DTWD2: variants seen among roughly 807,000 people sequenced by gnomAD.
The protein encoded by DTWD2 is DTW motif tRNA-uridine aminocarboxypropyltransferase 2.
A neutral mutation model predicts 31.8 loss-of-function variants in DTWD2; 39 were observed. The ratio of observed to expected loss-of-function variants is 1.22; its 90% CI spans 0.95 to 1.60. The LOEUF is 1.60. Among genes scored for constraint, DTWD2 ranks in the 40% most tolerant of loss-of-function variants. DTWD2 has a pLI of 0.00. For missense variants in DTWD2, 515 were observed against 381.5 expected (o/e 1.35, Z -2.92); for synonymous variants, 180 against 142.8 (o/e 1.26, Z -1.86).
At chr5:118,857,757 T>G (rs1401935130) in intron 4 of DTWD2, among the ~76,000 whole-genome samples, 5 of 152,214 alleles carry the variant, frequency 3.3e-5, no homozygotes, top group African/African-American at 1.2e-4. Context: ...GGCATGTGCC[T>G]GTTCCCACTA....
chr5:118,844,295 CATCT>C (rs1227254714), intron 5 of DTWD2, among the ~76,000 whole-genome samples: 1 of 152,162 alleles, frequency 6.6e-6, no homozygotes, highest in African/African-American at 2.4e-5. Flanking sequence ...GGTTTTGCCA[CATCT>C]ATCTTTAAAA....
chr5:118,861,795 C>T (rs1007793635), intron 4 of DTWD2, among the ~76,000 whole-genome samples: 4 of 151,894 alleles, frequency 2.6e-5, no homozygotes, highest in Non-Finnish European at 4.4e-5. Flanking sequence ...AGTGGTAGGT[C>T]CCAAAAAGAA....
At chr5:118,885,797 A>C (rs1250760560) in intron 4 of DTWD2, among the ~76,000 whole-genome samples, 1 of 151,284 alleles carries the variant, frequency 6.6e-6, no homozygotes, top group Non-Finnish European at 1.5e-5. Context: ...ATAAAAAATA[A>C]ATATAAAAAA....
intron 4 of DTWD2, among the ~76,000 whole-genome samples, chr5:118,891,212 A>T (rs1438091941): frequency 6.6e-6 from 1 of 151,944 alleles, no homozygotes; most frequent in Non-Finnish European, 1.5e-5. Context: ...GAAAAAAAAA[A>T]TTTCATTATT....
intron 1 of DTWD2, among the ~76,000 whole-genome samples, chr5:118,969,494 T>G (rs1754933064): frequency 6.6e-6 from 1 of 152,204 alleles, no homozygotes. Flanking sequence ...TCACCTTTGC[T>G]GTTTTGCAGC....
intron 4 of DTWD2, among the ~76,000 whole-genome samples, chr5:118,902,539 A>C (rs997896146): frequency 6.6e-6 from 1 of 152,146 alleles, no homozygotes; most frequent in Non-Finnish European, 1.5e-5. Flanking sequence ...ATTATTCTTC[A>C]ACATAATTAT....
intron 1 of DTWD2, among the ~76,000 whole-genome samples, chr5:118,985,572 A>T (rs1229593251): frequency 1.3e-5 from 2 of 149,058 alleles, no homozygotes; most frequent in African/African-American, 4.9e-5. Context: ...ATTTCCTAAC[A>T]AAATTAAAGA....
chr5:118,946,137 G>A (rs74681801), intron 1 of DTWD2, among the ~76,000 whole-genome samples: 3,599 of 152,254 alleles, frequency 0.024, 111 homozygotes, highest in African/African-American at 0.069. Context: ...ATCTTAGGCA[G>A]AAGTAAAATC....
In DTWD2 at chr5:118,908,107, C is replaced by A. The variant is rs370170167; in HGVS notation, c.597+20430G>T. 3.3e-5 allele frequency among the ~76,000 whole-genome samples: 5 copies of A among 152,238 alleles called. No homozygotes were observed. The East Asian group carries it at 5.8e-4, about 18-fold the overall frequency. ...ATTTCATGTTTATTAAAAATGAGCT[C>A]AGGACTTCTGTGTCCATGAAGATGA... On this transcript the variant is annotated intron_variant, in intron 4 of 5. Transcript: ENST00000510708.
Position 118,974,127 on chromosome 5 carries a change from C to G in DTWD2, c.218+14167G>C, listed in dbSNP as rs887772756. 4 of 1,572,600 alleles carry G rather than the reference C, an allele frequency of 2.5e-6. No individual in the cohort carries two copies. The African/African-American group carries it at 5.4e-5, about 21-fold the overall frequency. ...CAGAAGACCGACGAGGATGACTAGA[C>G]AGCAAAAAAGGAAAAGTTAAACTAA... On this transcript the variant is annotated intron_variant, in intron 1 of 5. Transcript: ENST00000510708.
At chr5:118,938,750 C>CAA (rs907032098) in intron 3 of DTWD2, among the ~76,000 whole-genome samples, 1 of 129,824 alleles carries the variant, frequency 7.7e-6, no homozygotes, top group African/African-American at 2.9e-5. Context: ...TGAGTAAGCA[C>CAA]TATATTAGGC....
intron 5 of DTWD2, among the ~76,000 whole-genome samples, chr5:118,847,200 C>T (rs914817051): frequency 3.9e-5 from 6 of 151,978 alleles, no homozygotes; most frequent in Admixed American, 3.3e-4. Flanking sequence ...GTGTTTAAGG[C>T]ATACTCATAA....
At chr5:118,930,036 A>G (rs1369366297) in intron 3 of DTWD2, among the ~76,000 whole-genome samples, 1 of 152,178 alleles carries the variant, frequency 6.6e-6, no homozygotes, top group Non-Finnish European at 1.5e-5. Flanking sequence ...TGTAAACCTC[A>G]AGATGACATA....
At chr5:118,892,074 AATCATTAC>A (rs1245316123) in intron 4 of DTWD2, among the ~76,000 whole-genome samples, 1 of 152,182 alleles carries the variant, frequency 6.6e-6, no homozygotes, top group Non-Finnish European at 1.5e-5. Context: ...TTTAACATGT[AATCATTAC>A]AGATTATTAG....
chr5:118,974,130 C>G lies in DTWD2; in HGVS notation c.218+14164G>C, dbSNP rs1006188493. The G allele has an allele frequency of 2.6e-6, 4 of 1,564,328 alleles. No homozygotes were observed. The African/African-American group carries it at 5.4e-5, about 21-fold the overall frequency. ...AAGACCGACGAGGATGACTAGACAGCAAAAAAGGAAAAGTTAAACTAAAAA... is the reference window on the plus strand; with the variant it reads ...AAGACCGACGAGGATGACTAGACAGGAAAAAAGGAAAAGTTAAACTAAAAA... On this transcript the variant is annotated intron_variant, in intron 1 of 5. Coordinates refer to ENST00000510708, the MANE Select transcript of DTWD2 (RefSeq NM_173666.4).
intron 1 of DTWD2, among the ~76,000 whole-genome samples, chr5:118,945,774 A>AAAGAAAGAAAG (rs1554069059): frequency 2.2e-5 from 3 of 134,260 alleles, no homozygotes; most frequent in African/African-American, 5.7e-5. Flanking sequence ...CAAAAAAAAA[A>AAAGAAAGAAAG]AAAGAAAGAA....
intron 4 of DTWD2, among the ~76,000 whole-genome samples, chr5:118,899,406 G>A (rs1421610543): frequency 6.6e-6 from 1 of 152,162 alleles, no homozygotes; most frequent in Non-Finnish European, 1.5e-5. Flanking sequence ...TCAAAGGCTA[G>A]TAGGAACCTA....
At chr5:118,876,851 G>GAAT (rs1752632397) in intron 4 of DTWD2, among the ~76,000 whole-genome samples, 1 of 152,176 alleles carries the variant, frequency 6.6e-6, no homozygotes, top group Non-Finnish European at 1.5e-5. Flanking sequence ...GATTGAGGAG[G>GAAT]AGGGACTCCT....
chr5:118,965,056 C>T (rs1298585435), intron 1 of DTWD2, among the ~76,000 whole-genome samples: 19 of 151,816 alleles, frequency 1.3e-4, no homozygotes, highest in Non-Finnish European at 2.5e-4. Context: ...CCCGCCGCCC[C>T]GTCTGGGATG....
Sources: gnomAD v4.1 joint callset for allele counts (sites outside exome capture counted in the v4.1 genomes callset) on GRCh38, gnomAD v4.1.1 for gene constraint, MANE v1.5 for transcripts, NCBI Gene and HGNC (gene_info 2026-07-23, HGNC 2026-07-21) for gene names.